The following SLC35F3 variants were observed in gnomAD, a reference collection of about 807,000 sequenced individuals.
SLC35F3 encodes the protein putative thiamine transporter SLC35F3.
SLC35F3 carries 25 observed loss-of-function variants against 49.9 expected under a neutral mutation model. That is an observed-to-expected ratio of 0.50 (90% CI 0.37 to 0.70). The LOEUF (loss-of-function observed/expected upper bound fraction) is 0.70, where lower values mean the gene tolerates loss of function less well. SLC35F3 is among the 30% of genes least tolerant of loss of function. The pLI, the probability that SLC35F3 is intolerant of heterozygous loss-of-function variation, is 0.00. For missense variants in SLC35F3, 525 were observed against 639.8 expected (o/e 0.82, Z 1.94); for synonymous variants, 275 against 265.4 (o/e 1.04, Z -0.35).
intron 3 of SLC35F3, among the ~76,000 whole-genome samples, chr1:234,233,325 A>C (rs1301167330): frequency 6.6e-6 from 1 of 152,264 alleles, no homozygotes; most frequent in Non-Finnish European, 1.5e-5. Flanking sequence ...TACTGCCTCT[A>C]ACGAAATGCT....
At chr1:234,258,297 T>G (rs1018413746) in intron 3 of SLC35F3, among the ~76,000 whole-genome samples, 1 of 152,192 alleles carries the variant, frequency 6.6e-6, no homozygotes, top group Non-Finnish European at 1.5e-5. Flanking sequence ...TTGAATTAGT[T>G]CCTCAATATG....
At chr1:234,187,300 G>A (rs537986690) in intron 2 of SLC35F3, among the ~76,000 whole-genome samples, 1 of 152,286 alleles carries the variant, frequency 6.6e-6, no homozygotes, top group South Asian at 2.1e-4. Flanking sequence ...TTGCACAAAT[G>A]CAAAGTTGTT....
At chr1:233,955,314 G>A (rs1018781614) in intron 2 of SLC35F3, among the ~76,000 whole-genome samples, 4 of 152,058 alleles carry the variant, frequency 2.6e-5, no homozygotes, top group Admixed American at 2.0e-4. Context: ...GAGTAGTTCA[G>A]CAATAAAATG....
chr1:234,286,548 A>G (rs1481794460), intron 3 of SLC35F3, among the ~76,000 whole-genome samples: 1 of 152,220 alleles, frequency 6.6e-6, no homozygotes, highest in Middle Eastern at 3.2e-3. Flanking sequence ...TAAGGATATG[A>G]CAGCATTGTT....
intron 3 of SLC35F3, among the ~76,000 whole-genome samples, chr1:234,271,243 C>T (rs994251009): frequency 5.9e-5 from 9 of 152,154 alleles, no homozygotes; most frequent in Non-Finnish European, 8.8e-5. Context: ...AGACTTTCTA[C>T]GTAGGTTTAT....
At chr1:234,209,628 C>G (rs1302612050) in intron 2 of SLC35F3, among the ~76,000 whole-genome samples, 1 of 152,014 alleles carries the variant, frequency 6.6e-6, no homozygotes. Context: ...TAGGGCAGGG[C>G]AGCTGTTGAA....
chr1:234,050,192 A>G (rs1447351674), intron 2 of SLC35F3, among the ~76,000 whole-genome samples: 4 of 152,232 alleles, frequency 2.6e-5, no homozygotes, highest in Non-Finnish European at 4.4e-5. Flanking sequence ...TTCTAGTTCT[A>G]GATCCTTGAG....
chr1:234,128,809 C>A (rs2067797), intron 2 of SLC35F3, among the ~76,000 whole-genome samples: 58,494 of 152,068 alleles, frequency 0.38, 13,203 homozygotes, highest in Non-Finnish European at 0.52. Context: ...GGAGAGCAAG[C>A]ACTTTCCATC....
chr1:234,093,793 TG>T (rs1665080102), intron 2 of SLC35F3, among the ~76,000 whole-genome samples: 1 of 152,218 alleles, frequency 6.6e-6, no homozygotes, highest in Non-Finnish European at 1.5e-5. Context: ...CTAAATATGC[TG>T]TGGACAGAAA....
rs370419771 is a variant in SLC35F3, at chr1:233,959,512, A to G, written c.283+53754A>G. ...TATTAAAAGAGGTATGAAAGATATA[A>G]TTTTTTTTCAGTAACAGTAGGTCAC... On this transcript the variant is annotated intron_variant, in intron 2 of 7. Transcript: ENST00000366618. Among the ~76,000 whole-genome samples, 3 of 152,056 alleles carry G rather than the reference A, an allele frequency of 2.0e-5. No individual in the cohort carries two copies. The South Asian group carries it at 6.3e-4, about 32-fold the overall frequency.
At chr1:234,132,693 AT>A (rs1264346759) in intron 2 of SLC35F3, among the ~76,000 whole-genome samples, 3 of 152,176 alleles carry the variant, frequency 2.0e-5, no homozygotes, top group African/African-American at 7.2e-5. Context: ...TGCAGTGTTA[AT>A]TTTTTATTGT....
At chr1:234,235,395 C>T (rs1667448755) in intron 3 of SLC35F3, among the ~76,000 whole-genome samples, 1 of 152,210 alleles carries the variant, frequency 6.6e-6, no homozygotes, top group Non-Finnish European at 1.5e-5. Context: ...CCACAGTTTC[C>T]TGGACCACCT....
chr1:234,212,692 AATT>A (rs1213445495), intron 2 of SLC35F3: 15 of 152,366 alleles, frequency 9.8e-5, no homozygotes, highest in South Asian at 6.2e-4. Context: ...AAACGTGTGC[AATT>A]ATTATGTGAT....
At chr1:234,161,383 A>T (rs908229396) in intron 2 of SLC35F3, among the ~76,000 whole-genome samples, 17 of 151,992 alleles carry the variant, frequency 1.1e-4, no homozygotes, top group Non-Finnish European at 1.5e-5. Flanking sequence ...TTGATGCTAC[A>T]CTGCACTTAG....
At chr1:234,218,222 C>T (rs1667151995) in intron 2 of SLC35F3, among the ~76,000 whole-genome samples, 1 of 152,168 alleles carries the variant, frequency 6.6e-6, no homozygotes, top group Admixed American at 6.5e-5. Context: ...TACTCACAAT[C>T]AACTCATTCA....
chr1:234,264,847 C>T (rs1268264442), intron 3 of SLC35F3, among the ~76,000 whole-genome samples: 1 of 152,220 alleles, frequency 6.6e-6, no homozygotes, highest in East Asian at 1.9e-4. Context: ...TCCTCCATAC[C>T]TGGCCAGTAT....
intron 2 of SLC35F3, among the ~76,000 whole-genome samples, chr1:233,987,424 C>G (rs1156863235): frequency 6.6e-6 from 1 of 152,030 alleles, no homozygotes; most frequent in Non-Finnish European, 1.5e-5. Context: ...TATTTCCTTT[C>G]TGGACTTTGA....
intron 3 of SLC35F3, among the ~76,000 whole-genome samples, chr1:234,273,682 T>C (rs1389658751): frequency 1.3e-5 from 2 of 152,144 alleles, no homozygotes; most frequent in Non-Finnish European, 2.9e-5. Flanking sequence ...ATTGCTACAA[T>C]TCATCATGCA....
At chr1:234,268,900 G>A (rs984465729) in intron 3 of SLC35F3, 2 of 152,212 alleles carry the variant, frequency 1.3e-5, no homozygotes, top group Non-Finnish European at 2.9e-5. Context: ...TGTGATGTTT[G>A]AGGCCTGCAC....
Sources: allele counts gnomAD v4.1 joint callset (sites outside exome capture counted in the v4.1 genomes callset), GRCh38; gene constraint gnomAD v4.1.1; transcripts MANE v1.5; gene names NCBI Gene and HGNC (gene_info 2026-07-23, HGNC 2026-07-21).